The following SH3GL3 variants were observed in gnomAD, a reference collection of about 807,000 sequenced individuals.
SH3GL3 encodes the protein SH3 domain containing GRB2 like 3, endophilin A3.
In SH3GL3, 33 loss-of-function variants were observed where a neutral mutation model predicts 47.7. That is an observed-to-expected ratio of 0.69 (90% confidence interval 0.52 to 0.92). SH3GL3 has a LOEUF of 0.92. Ranked by LOEUF, SH3GL3 falls within the 40% of genes least tolerant of loss-of-function variation. SH3GL3 has a pLI of 0.00. For missense variants in SH3GL3, 363 were observed against 417.8 expected (o/e 0.87, Z 1.14); for synonymous variants, 155 against 148.8 (o/e 1.04, Z -0.30).
intron 1 of SH3GL3, among the ~76,000 whole-genome samples, chr15:83,539,061 G>A (rs752527461): frequency 1.1e-4 from 16 of 152,182 alleles, no homozygotes; most frequent in Admixed American, 3.3e-4. Context: ...TGACCATTCT[G>A]ATAGTAATGT....
intron 1 of SH3GL3, among the ~76,000 whole-genome samples, chr15:83,507,271 G>A (rs2151620814): frequency 6.6e-6 from 1 of 152,180 alleles, no homozygotes; most frequent in South Asian, 2.1e-4. Context: ...ACCTCCCAAA[G>A]TGTTGGGATT....
At chr15:83,610,975 C>CAAAAAA (rs200699726) in intron 8 of SH3GL3, among the ~76,000 whole-genome samples, 30 of 113,120 alleles carry the variant, frequency 2.7e-4, no homozygotes, top group African/African-American at 7.9e-4. Flanking sequence ...GGACTTCAGC[C>CAAAAAA]AAAAAATATA....
In SH3GL3 at chr15:83,475,048, A is replaced by G. The variant is rs558141079; in HGVS notation, c.45+27470A>G. Among the ~76,000 whole-genome samples the G allele has an allele frequency of 5.9e-5, 9 of 152,154 alleles. No homozygotes were observed. In the South Asian group the frequency reaches 1.2e-3, roughly 21 times the overall value. ...TTCTCTCGAATGTTATAAGGCAGAT[A>G]TAATCCCCTTCTTGGTGGTCTCATT... On this transcript the variant is annotated intron_variant, in intron 1 of 8. Coordinates refer to ENST00000427482, the MANE Select transcript of SH3GL3 (RefSeq NM_003027.5).
At chr15:83,572,530 C>G (rs2303825) in intron 4 of SH3GL3, 35 bp from the exon 5 acceptor site, 82,480 of 1,588,132 alleles carry the variant, frequency 0.052, 3,280 homozygotes, top group Admixed American at 0.19. Context: ...GTAGTGTTCC[C>G]AAAGAACCTT....
intron 1 of SH3GL3, among the ~76,000 whole-genome samples, chr15:83,543,945 T>A (rs1380947282): frequency 6.6e-6 from 1 of 150,728 alleles, no homozygotes; most frequent in Non-Finnish European, 1.5e-5. Flanking sequence ...ATTTTGTTCG[T>A]CTTTTCAAAA....
intron 8 of SH3GL3, among the ~76,000 whole-genome samples, chr15:83,591,312 C>T (rs543931484): frequency 6.6e-6 from 1 of 152,132 alleles, no homozygotes; most frequent in South Asian, 2.1e-4. Context: ...CCCGGCCTCT[C>T]CTATGTTTTT....
intron 1 of SH3GL3, among the ~76,000 whole-genome samples, chr15:83,479,688 A>G (rs968532623): frequency 6.6e-6 from 1 of 152,284 alleles, no homozygotes; most frequent in East Asian, 1.9e-4. Flanking sequence ...AAAGGCCTCC[A>G]GACTGAAGGT....
At chr15:83,617,932 A>G (rs2060870610) in intron 8 of SH3GL3, 150 bp from the exon 9 acceptor site, 1 of 620,322 alleles carries the variant, frequency 1.6e-6, no homozygotes, top group Non-Finnish European at 2.9e-6. Context: ...AGAGACCACA[A>G]ACGGCACCGT....
In SH3GL3 at chr15:83,523,009, G is replaced by A. The variant is rs867674836; in HGVS notation, c.46-36244G>A. 2.0e-5 allele frequency among the ~76,000 whole-genome samples: 3 copies of A among 152,042 alleles called. No homozygotes were observed. The South Asian group carries it at 6.2e-4, about 32-fold the overall frequency. On this transcript the variant is annotated intron_variant, in intron 1 of 8. Transcript: ENST00000427482. Reference sequence around the variant, plus strand: ...ATTCTTTGATAGTGCCTTTAAATAAGCCAGTTTCTAAAGTAAATTTAAAAT... The same window carrying A: ...ATTCTTTGATAGTGCCTTTAAATAAACCAGTTTCTAAAGTAAATTTAAAAT...
chr15:83,507,159 C>T (rs2042545435), intron 1 of SH3GL3, among the ~76,000 whole-genome samples: 1 of 151,944 alleles, frequency 6.6e-6, no homozygotes. Context: ...GCGCCCACCA[C>T]CATGCCTGGC....
chr15:83,560,974 A>G (rs937814177), intron 2 of SH3GL3, among the ~76,000 whole-genome samples: 1 of 152,196 alleles, frequency 6.6e-6, no homozygotes, highest in Non-Finnish European at 1.5e-5. Flanking sequence ...ACTACATAAC[A>G]TAGCATCTGA....
intron 8 of SH3GL3, among the ~76,000 whole-genome samples, chr15:83,591,950 G>GC (rs2060117153): frequency 6.6e-6 from 1 of 152,196 alleles, no homozygotes; most frequent in Non-Finnish European, 1.5e-5. Flanking sequence ...TGGGATTACA[G>GC]CTGTGAGCCA....
At chr15:83,559,419 A>G (rs1300369773) in intron 2 of SH3GL3, 98 bp downstream of exon 2, 1 of 745,864 alleles carries the variant, frequency 1.3e-6, no homozygotes, top group Non-Finnish European at 2.4e-6. Flanking sequence ...GAAATCTAGG[A>G]TGTTTAAATA....
At chr15:83,572,479 C>A in intron 4 of SH3GL3, 86 bp from the exon 5 acceptor site, 1 of 1,189,814 alleles carries the variant, frequency 8.4e-7, no homozygotes, top group Non-Finnish European at 1.2e-6. Flanking sequence ...CATCCACACA[C>A]TTTTGGTAAA....
the SH3GL3 span, among the ~76,000 whole-genome samples, chr15:83,627,050 A>G: frequency 1.3e-5 from 2 of 152,200 alleles, no homozygotes; most frequent in Non-Finnish European, 2.9e-5. Context: ...TCAGTCCTGA[A>G]GATGCAGATT....
chr15:83,600,645 T>C (rs534432503), intron 8 of SH3GL3, among the ~76,000 whole-genome samples: 7 of 152,204 alleles, frequency 4.6e-5, no homozygotes, highest in Non-Finnish European at 8.8e-5. Flanking sequence ...ATTTGTTCTT[T>C]TTGGTTAGTT....
chr15:83,608,890 C>T (rs942106461), intron 8 of SH3GL3, among the ~76,000 whole-genome samples: 4 of 152,126 alleles, frequency 2.6e-5, no homozygotes. Flanking sequence ...GGACTCCCCT[C>T]ATCAATGGTT....
intron 8 of SH3GL3, among the ~76,000 whole-genome samples, chr15:83,593,721 G>A (rs1285145107): frequency 6.6e-6 from 1 of 152,112 alleles, no homozygotes; most frequent in East Asian, 1.9e-4. Context: ...TGAGTACAAA[G>A]GGTTAGAGTG....
At chr15:83,463,197 G>A (rs757768782) in intron 1 of SH3GL3, among the ~76,000 whole-genome samples, 3 of 152,114 alleles carry the variant, frequency 2.0e-5, no homozygotes, top group Non-Finnish European at 4.4e-5. Context: ...ATGACTTAAC[G>A]TTCTGCACAT....
Sources: allele counts gnomAD v4.1 joint callset (sites outside exome capture counted in the v4.1 genomes callset), GRCh38; gene constraint gnomAD v4.1.1; transcripts MANE v1.5; gene names NCBI Gene and HGNC (gene_info 2026-07-23, HGNC 2026-07-21).